The following CST4 variants were observed in gnomAD, a reference collection of about 807,000 sequenced individuals.
CST4 encodes the protein cystatin-S.
CST4 carries 17 observed loss-of-function variants against 11.2 expected under a neutral mutation model. That is an observed-to-expected ratio of 1.52 (90% CI 1.04 to 2.27). CST4 has a LOEUF of 2.27. Among genes scored for constraint, CST4 ranks in the 30% most tolerant of loss-of-function variants. The probability of loss-of-function intolerance (pLI) is 0.00; values close to 1 mark genes in which losing one functional copy is unlikely to be tolerated. For synonymous variants in CST4, 93 were observed against 70.1 expected, an observed-to-expected ratio of 1.33 and a Z score of -1.63; for missense variants, 251 against 180.2, an observed-to-expected ratio of 1.39 and a Z score of -2.25.
At chr20:23,687,694 A>G (rs1222840246) in intron 1 of CST4, among the ~76,000 whole-genome samples, 1 of 152,200 alleles carries the variant, frequency 6.6e-6, no homozygotes, top group East Asian at 1.9e-4. Context: ...ACAATTGCAG[A>G]TTATAATTGA....
intron 1 of CST4, among the ~76,000 whole-genome samples, chr20:23,688,086 G>T (rs1243854898): frequency 6.6e-6 from 1 of 152,222 alleles, no homozygotes; most frequent in African/African-American, 2.4e-5. Context: ...TGCAGGTCAA[G>T]CTGGGCCCAG....
rs201023151 is a variant in CST4, at chr20:23,685,950, C to G, written c.370G>C (p.Glu124Gln). ...GACATTCTGTCCTCCCAGGGAACTT[C>G]GTAGATCTCGAAAGAGCACAACTGT... ...KKQLCSFEIY[E>Q]VPWEDRMSLV... The change falls in exon 3 of 3, where the codon GAA becomes CAA. Residue 124 changes from glutamate to glutamine, a missense_variant. By Grantham distance (29) the Glu-to-Gln change is conservative. Transcript: ENST00000217423. 6.2e-7 allele frequency: 1 copy of G among 1,613,846 alleles called. No homozygotes were observed. Among genetic ancestry groups the G allele is most frequent in the Non-Finnish European group, 8.5e-7 (1 of 1,179,902 alleles).
chr20:23,687,174 C>G lies in CST4; in HGVS notation c.256G>C (p.Asp86His), dbSNP rs111636715. ...CATATGGTGCGGCCCACCTCTACGTCGAAGAAGTAATTCACCCCCCCAAAG... is the reference window on the plus strand; with the variant it reads ...CATATGGTGCGGCCCACCTCTACGTGGAAGAAGTAATTCACCCCCCCAAAG... Reference protein sequence around the residue: ...QTFGGVNYFFDVEVGRTICTK... With the variant: ...QTFGGVNYFFHVEVGRTICTK... Residue 86 changes from aspartate (D) to histidine (H), a missense_variant, in exon 2 of 3, where the codon GAC (aspartate) becomes CAC (histidine). Asp to His is a moderately conservative substitution (Grantham distance 81, BLOSUM62 -1). Coordinates refer to ENST00000217423, the MANE Select transcript of CST4 (RefSeq NM_001899.3). The G allele has an allele frequency of 2.0e-5, 33 of 1,613,848 alleles. 2 individuals carry two copies. Among genetic ancestry groups the G allele is most frequent in the South Asian group, 1.8e-4 (16 of 91,084 alleles).
At chr20:23,686,801 G>C (rs1294346688) in intron 2 of CST4, among the ~76,000 whole-genome samples, 2 of 151,832 alleles carry the variant, frequency 1.3e-5, no homozygotes, top group Non-Finnish European at 2.9e-5. Context: ...ATGGATCTAT[G>C]TACAAACCCC....
At chr20:23,686,663 G>GAA (rs1322665426) in intron 2 of CST4, among the ~76,000 whole-genome samples, 2 of 152,238 alleles carry the variant, frequency 1.3e-5, no homozygotes, top group East Asian at 3.9e-4. Context: ...AAAGCAGGCA[G>GAA]TTGACCTTCT....
At chr20:23,686,493 A>T (rs1981045803) in intron 2 of CST4, among the ~76,000 whole-genome samples, 1 of 152,132 alleles carries the variant, frequency 6.6e-6, no homozygotes, top group Non-Finnish European at 1.5e-5. Context: ...TGAGCCGGGC[A>T]GGTCCAGGGC....
At chr20:23,688,607 A>C in intron 1 of CST4, 135 bp downstream of exon 1, 2 of 821,984 alleles carry the variant, frequency 2.4e-6, no homozygotes, top group Non-Finnish European at 2.0e-6. Flanking sequence ...GCATCAGCGG[A>C]GAGTCAGAGA....
rs563018742 is a variant in CST4, at chr20:23,685,643, G to A, written c.*251C>T. ...GACAGCCAAGAACTCAGAGGGAGGC[G>A]ATGCTACTGTTTAATTGCAGGAGGT... On this transcript the variant is annotated 3_prime_UTR_variant, in exon 3 of 3. Coordinates refer to ENST00000217423, the MANE Select transcript of CST4 (RefSeq NM_001899.3). The A allele has an allele frequency of 2.7e-5, 15 of 552,630 alleles. No homozygotes were observed. The highest frequency in any genetic ancestry group is 9.1e-5 in the Admixed American group (3 of 32,812). The allele number at this position is 552,630 out of a possible 1,614,324, so 34.2% of individuals were successfully genotyped here. A position where few individuals can be genotyped will look rare whatever the true frequency, so the allele number is the denominator to read the frequency against.
intron 1 of CST4, 99 bp downstream of exon 1, chr20:23,688,643 T>A (rs1296056150): frequency 1.8e-6 from 2 of 1,112,676 alleles, no homozygotes; most frequent in South Asian, 1.4e-5. Context: ...GAGCATTAGA[T>A]CATGAATGTG....
intron 1 of CST4, among the ~76,000 whole-genome samples, chr20:23,688,075 A>G (rs1981104094): frequency 6.6e-6 from 1 of 152,182 alleles, no homozygotes; most frequent in African/African-American, 2.4e-5. Context: ...CTGCCATGGG[A>G]TGCAGGTCAA....
At chr20:23,687,024 A>G in intron 2 of CST4, 64 bp downstream of exon 2, 1 of 1,604,984 alleles carries the variant, frequency 6.2e-7, no homozygotes, top group Non-Finnish European at 8.5e-7. Flanking sequence ...GGTAGGACAG[A>G]GGCTGACACA....
At chr20:23,687,228 C>T (rs112308292) in intron 1 of CST4, 27 bp from the exon 2 acceptor site, 43 of 1,608,274 alleles carry the variant, frequency 2.7e-5, no homozygotes, top group African/African-American at 9.7e-5. Flanking sequence ...ACAGGAAGCA[C>T]GGACAGCGCC....
chr20:23,687,056 T>C lies in CST4; in HGVS notation c.342+32A>G, dbSNP rs778929200. ...CACATACGCACCCCTCTGCAGTGCA[T>C]GACTGGCCCGGGACCCGCATCAGGA... On this transcript the variant is annotated intron_variant, in intron 2 of 2. Coordinates refer to ENST00000217423, the MANE Select transcript of CST4 (RefSeq NM_001899.3). The C allele has an allele frequency of 8.1e-6, 13 of 1,613,824 alleles. No individual in the cohort carries two copies. The Admixed American group carries it at 2.0e-4, about 25-fold the overall frequency.
chr20:23,687,294 T>G, intron 1 of CST4, 93 bp from the exon 2 acceptor site: 1 of 1,043,222 alleles, frequency 9.6e-7, no homozygotes. Flanking sequence ...CTGGACTTGC[T>G]TGGGGGCTTC....
rs771039453 is a variant in CST4 at position 23,688,795 on chromosome 20, T to C, written c.175A>G (p.Thr59Ala). ...GGGCGTCTGTAGTACTCATCTTCGG[T>C]GGCCTTGTTGTACTCGCTGATGGCG... ...HFAISEYNKA[T>A]EDEYYRRPLQ... is the part of the protein sequence containing the mutation. The change falls in exon 1 of 3, where the codon ACC (threonine) becomes GCC (alanine). Residue 59 changes from threonine (T) to alanine (A), a missense_variant. Coordinates refer to ENST00000217423, the MANE Select transcript of CST4 (RefSeq NM_001899.3). 3.0e-5 allele frequency: 49 copies of C among 1,614,148 alleles called. No individual in the cohort carries two copies. Among genetic ancestry groups the C allele is most frequent in the Non-Finnish European group, 4.2e-5 (49 of 1,180,018 alleles).
Position 23,687,079 on chromosome 20 carries a change from G to C in CST4, c.342+9C>G. 6.2e-7 allele frequency: 1 copy of C among 1,614,124 alleles called. No homozygotes were observed. The highest frequency in any genetic ancestry group is 8.5e-7 in the Non-Finnish European group (1 of 1,180,008). ...CATGACTGGCCCGGGACCCGCATCA[G>C]GAACGTACCTTCTGCAGTTCTGGCT... On this transcript the variant is annotated intron_variant, in intron 2 of 2. Transcript: ENST00000217423.
chr20:23,687,087 C>G lies in CST4; in HGVS notation c.342+1G>C, dbSNP rs779029673. 5.6e-6 allele frequency: 9 copies of G among 1,614,046 alleles called. No individual in the cohort carries two copies. In the African/African-American group the frequency reaches 1.1e-4, roughly 19 times the overall value. On this transcript the variant is annotated splice_donor_variant, in intron 2 of 2. Coordinates refer to ENST00000217423, the MANE Select transcript of CST4 (RefSeq NM_001899.3). LOFTEE classifies it high-confidence loss of function. ...GCCCGGGACCCGCATCAGGAACGTACCTTCTGCAGTTCTGGCTGTTCATGG... is the reference window on the plus strand; with the variant it reads ...GCCCGGGACCCGCATCAGGAACGTAGCTTCTGCAGTTCTGGCTGTTCATGG...
chr20:23,688,869 A>T lies in CST4; in HGVS notation c.101T>A (p.Ile34Asn), dbSNP rs774060743. The change falls in exon 1 of 3, where the codon ATC (isoleucine) becomes AAC (asparagine). Residue 34 changes from isoleucine to asparagine, a missense_variant. Coordinates refer to ENST00000217423, the MANE Select transcript of CST4 (RefSeq NM_001899.3). ...CTCATCATTGAGGTCTGCATCATAG[A>T]TGCCACCTGGGATTATCCTATTCTC... ...KEENRIIPGG[I>N]YDADLNDEWV... 2 of 1,614,140 alleles carry T rather than the reference A, an allele frequency of 1.2e-6. No individual in the cohort carries two copies. The highest frequency in any genetic ancestry group is 4.5e-5 in the East Asian group (2 of 44,852).
In CST4 at chr20:23,688,865, A is replaced by T; in HGVS notation, c.105T>A (p.Tyr35Ter). ...EENRIIPGGI[Y>*]DADLNDEWVQ... ...CCCACTCATCATTGAGGTCTGCATC[A>T]TAGATGCCACCTGGGATTATCCTAT... Residue 35 changes from tyrosine to a stop codon, truncating the protein, a stop_gained, in exon 1 of 3, where the codon TAT (tyrosine) becomes TAA (stop). Coordinates refer to ENST00000217423, the MANE Select transcript of CST4 (RefSeq NM_001899.3). LOFTEE classifies it high-confidence loss of function. The T allele has an allele frequency of 1.9e-6, 3 of 1,614,182 alleles. No homozygotes were observed. Among genetic ancestry groups the T allele is most frequent in the Non-Finnish European group, 1.7e-6 (2 of 1,180,012 alleles).
Sources: allele counts gnomAD v4.1 joint callset (sites outside exome capture counted in the v4.1 genomes callset), GRCh38; gene constraint gnomAD v4.1.1; transcripts MANE v1.5; gene names NCBI Gene and HGNC (gene_info 2026-07-23, HGNC 2026-07-21).